PHIP: variants seen among roughly 807,000 people sequenced by gnomAD.
PHIP encodes PH-interacting protein.
In PHIP, 54 loss-of-function variants were observed where a neutral mutation model predicts 236.8. The observed-to-expected ratio is 0.23, with a 90% CI of 0.18 to 0.29. The LOEUF (loss-of-function observed/expected upper bound fraction) is 0.29. Ranked by LOEUF, PHIP falls within the 10% of genes least tolerant of loss-of-function variation. The probability of loss-of-function intolerance (pLI) is 1.00; values close to 1 mark genes in which losing one functional copy is unlikely to be tolerated. For synonymous variants in PHIP, 756 were observed against 718.9 expected (o/e 1.05, Z -0.83); for missense variants, 1,370 against 2,190.8 (o/e 0.63, Z 7.48).
intron 4 of PHIP, among the ~76,000 whole-genome samples, chr6:79,069,657 C>A (rs577484780): frequency 1.3e-5 from 2 of 152,090 alleles, no homozygotes; most frequent in African/African-American, 2.4e-5. Context: ...CCCATCGACA[C>A]GTAGATTTGA....
At chr6:79,041,110 A>G (rs887817526) in intron 7 of PHIP, among the ~76,000 whole-genome samples, 3 of 152,166 alleles carry the variant, frequency 2.0e-5, no homozygotes, top group Non-Finnish European at 2.9e-5. Context: ...TTTGCAGGCC[A>G]TATGTTCTCA....
intron 6 of PHIP, among the ~76,000 whole-genome samples, chr6:79,045,441 T>C (rs1349143123): frequency 1.3e-5 from 2 of 152,096 alleles, no homozygotes; most frequent in African/African-American, 2.4e-5. Flanking sequence ...TTGGAAAATG[T>C]CTATCTCTCC....
At chr6:79,075,909 G>C (rs1398473457) in intron 4 of PHIP, among the ~76,000 whole-genome samples, 1 of 152,122 alleles carries the variant, frequency 6.6e-6, no homozygotes, top group South Asian at 2.1e-4. Flanking sequence ...AGGAAGACAT[G>C]TAAATTCACT....
rs764553734 is a variant in PHIP at position 78,946,059 on chromosome 6, A to T, written c.4572T>A (p.Ser1524=). 21 of 1,612,518 alleles carry T rather than the reference A, an allele frequency of 1.3e-5. No individual in the cohort carries two copies. In the African/African-American group the frequency reaches 2.7e-4, roughly 21 times the overall value. The change falls in exon 38 of 40, where the codon TCT becomes TCA. Residue 1524 remains serine, a synonymous_variant. Coordinates refer to ENST00000275034, the MANE Select transcript of PHIP (RefSeq NM_017934.7). The part of the protein sequence containing the change: ...DPVVTEQPST[S]SAAKTFITKA... ...TTGTAATAAAAGTCTTTGCAGCTGA[A>T]GAAGTAGATGGTTGCTCAGTGACAA...
chr6:78,955,123 T>A, intron 34 of PHIP, 109 bp downstream of exon 34: 3 of 890,898 alleles, frequency 3.4e-6, no homozygotes, highest in Non-Finnish European at 3.3e-6. Flanking sequence ...TTGAAACTAA[T>A]TTGAAATACT....
At position 78,958,621 on chromosome 6, in the gene PHIP, A is replaced by G. The variant is rs757317975; in HGVS notation, c.3657-21T>C. The G allele has an allele frequency of 7.6e-6, 11 of 1,440,526 alleles. No homozygotes were observed. In the African/African-American group the frequency reaches 1.4e-4, roughly 19 times the overall value. The allele number at this position is 1,440,526 out of a possible 1,614,324, so 89.2% of individuals were successfully genotyped here. On this transcript the variant is annotated intron_variant, in intron 31 of 39. Coordinates refer to ENST00000275034, the MANE Select transcript of PHIP (RefSeq NM_017934.7). ...CCCGCCTTAAAAAAACAAAATATAGAAGTTTTAACTTCCTTATATTTAGAA... is the reference window on the plus strand; with the variant it reads ...CCCGCCTTAAAAAAACAAAATATAGGAGTTTTAACTTCCTTATATTTAGAA...
chr6:79,056,764 G>C (rs1043970423), intron 6 of PHIP, among the ~76,000 whole-genome samples: 5 of 152,160 alleles, frequency 3.3e-5, no homozygotes. Flanking sequence ...TACAGGAATA[G>C]ACTAGGGGCA....
intron 7 of PHIP, among the ~76,000 whole-genome samples, chr6:79,033,818 G>C (rs145289504): frequency 6.6e-6 from 1 of 151,996 alleles, no homozygotes; most frequent in Non-Finnish European, 1.5e-5. Context: ...TTCCTCACTC[G>C]CCTTAATCTT....
chr6:79,067,206 C>G (rs1355080295), intron 4 of PHIP, among the ~76,000 whole-genome samples: 2 of 152,060 alleles, frequency 1.3e-5, no homozygotes, highest in Non-Finnish European at 1.5e-5. Context: ...TTTTGATGAA[C>G]AAAACATTTT....
At chr6:78,984,610 C>G (rs1240994382) in intron 22 of PHIP, among the ~76,000 whole-genome samples, 1 of 152,022 alleles carries the variant, frequency 6.6e-6, no homozygotes, top group African/African-American at 2.4e-5. Context: ...TCAATTTTTC[C>G]TTCATTGACC....
At chr6:79,071,101 A>T (rs1345724862) in intron 4 of PHIP, among the ~76,000 whole-genome samples, 1 of 152,206 alleles carries the variant, frequency 6.6e-6, no homozygotes, top group Non-Finnish European at 1.5e-5. Flanking sequence ...AAATTTTCTT[A>T]TCAAAAACTC....
rs796186531 is a variant in PHIP at position 78,965,565 on chromosome 6, CAAT to C, written c.3379+135_3379+137del. 7 of 586,760 alleles carry C rather than the reference CAAT, an allele frequency of 1.2e-5. No individual in the cohort carries two copies. The African/African-American group carries it at 1.3e-4, about 11-fold the overall frequency. The allele number at this position is 586,760 out of a possible 1,614,324, so 36.3% of individuals were successfully genotyped here. A position where few individuals can be genotyped will look rare whatever the true frequency, so the allele number is the denominator to read the frequency against. ...TGAATCTCCCCTACTTCAAGGTGTA[CAAT>C]AATAAATATTTGCCAAATGAATGTT... is the stretch of plus-strand genomic sequence containing the variant. On this transcript the variant is annotated intron_variant, in intron 29 of 39. Transcript: ENST00000275034.
rs778895991 is a variant in PHIP, at chr6:78,946,094, C to T, written c.4537G>A (p.Val1513Ile). 3.7e-6 allele frequency: 6 copies of T among 1,613,588 alleles called. No individual in the cohort carries two copies. In the South Asian group the frequency reaches 4.4e-5, roughly 12 times the overall value. Residue 1513 changes from valine (V) to isoleucine (I), a missense_variant, in exon 38 of 40, where the codon GTA (valine) becomes ATA (isoleucine). Physicochemically the swap from Val to Ile is conservative, Grantham distance 29. This residue lies in a region of PHIP where 309 missense variants were observed against 328.3 expected (regional missense o/e 0.94). Transcript: ENST00000275034. ...GGTTGCTCAGTGACAACTGGATCTACAACCACTCGGTTGCTTCTGGTTCGA... is the reference window on the plus strand; with the variant it reads ...GGTTGCTCAGTGACAACTGGATCTATAACCACTCGGTTGCTTCTGGTTCGA... ...VVRTRSNRVVVDPVVTEQPST... is the reference protein window; with the variant it reads ...VVRTRSNRVVIDPVVTEQPST...
At position 78,939,149 on chromosome 6, in the gene PHIP, ATAAC is replaced by A. The variant is rs1452065259; in HGVS notation, c.*1540_*1543del. ...AGTATGTTGGTTTTTAAGGTATAAAATAACTAACTGTACCATAAACAAATAAATA... is the reference window on the plus strand; with the variant it reads ...AGTATGTTGGTTTTTAAGGTATAAAATAACTGTACCATAAACAAATAAATA... On this transcript the variant is annotated 3_prime_UTR_variant, in exon 40 of 40. Coordinates refer to ENST00000275034, the MANE Select transcript of PHIP (RefSeq NM_017934.7). 16 of 151,928 alleles carry A rather than the reference ATAAC, an allele frequency of 1.1e-4. No individual in the cohort carries two copies. Among genetic ancestry groups the A allele is most frequent in the Non-Finnish European group, 1.6e-4 (11 of 67,710 alleles). 9.4% of individuals were successfully genotyped at this position (151,928 alleles called of 1,614,324 possible).
intron 7 of PHIP, among the ~76,000 whole-genome samples, chr6:79,034,267 C>G (rs1002187528): frequency 6.6e-6 from 1 of 152,122 alleles, no homozygotes; most frequent in Admixed American, 6.5e-5. Flanking sequence ...AAACAGGGTA[C>G]GTCTGTATTA....
At chr6:79,016,512 A>G in intron 13 of PHIP, 32 bp downstream of exon 13, 1 of 1,336,444 alleles carries the variant, frequency 7.5e-7, no homozygotes, top group Non-Finnish European at 1.1e-6. Context: ...AAAAATCAAT[A>G]TATACATAAT....
intron 6 of PHIP, 25 bp downstream of exon 6, chr6:79,060,453 C>T: frequency 6.6e-7 from 1 of 1,522,716 alleles, no homozygotes; most frequent in Non-Finnish European, 9.0e-7. Flanking sequence ...AGGCTATTAA[C>T]TACTAGTGAA....
rs764215660 is a variant in PHIP, at chr6:78,966,401, G to A, written c.3206-345C>T. Among the ~76,000 whole-genome samples, 53 of 151,916 alleles carry A rather than the reference G, an allele frequency of 3.5e-4. 2 individuals carry two copies. Among genetic ancestry groups the A allele is most frequent in the Non-Finnish European group, 2.9e-4 (20 of 67,984 alleles). Reference sequence around the variant, plus strand: ...TTCACTGAAATAAAATTATAATTGCGGCAAGTTCCACTCAACAATTACTTA... The same window carrying A: ...TTCACTGAAATAAAATTATAATTGCAGCAAGTTCCACTCAACAATTACTTA... On this transcript the variant is annotated intron_variant, in intron 27 of 39. Coordinates refer to ENST00000275034, the MANE Select transcript of PHIP (RefSeq NM_017934.7).
intron 19 of PHIP, among the ~76,000 whole-genome samples, chr6:78,992,182 T>TC (rs1769304799): frequency 6.6e-6 from 1 of 152,078 alleles, no homozygotes; most frequent in Admixed American, 6.5e-5. Context: ...CAGGATGGTC[T>TC]CGATCTCCTG....
Sources: allele counts gnomAD v4.1 joint callset (sites outside exome capture counted in the v4.1 genomes callset), GRCh38; gene constraint gnomAD v4.1.1; regional missense constraint gnomAD v4.1.1; transcripts MANE v1.5; gene names NCBI Gene and HGNC (gene_info 2026-07-23, HGNC 2026-07-21).